TBC1D2: variants seen among roughly 807,000 people sequenced by gnomAD.
TBC1D2 encodes TBC1 domain family member 2.
A neutral mutation model predicts 91.1 loss-of-function variants in TBC1D2; 58 were observed. That is an observed-to-expected ratio of 0.64 (90% CI 0.52 to 0.79). The LOEUF is 0.79. Ranked by LOEUF, TBC1D2 falls within the 30% of genes least tolerant of loss-of-function variation. TBC1D2 has a pLI of 0.00. For synonymous variants in TBC1D2, 482 were observed against 511.5 expected, an observed-to-expected ratio of 0.94 and a Z score of 0.78; for missense variants, 1,080 against 1,208.3, an observed-to-expected ratio of 0.89 and a Z score of 1.57.
intron 3 of TBC1D2, among the ~76,000 whole-genome samples, chr9:98,239,778 C>T (rs1829592475): frequency 6.6e-6 from 1 of 152,022 alleles, no homozygotes; most frequent in South Asian, 2.1e-4. Context: ...GTGGACTTCA[C>T]CAGTGAAGTC....
In TBC1D2 at chr9:98,244,064, C is replaced by T. The variant is rs376178237; in HGVS notation, c.577G>A (p.Val193Met). Residue 193 changes from valine (V) to methionine (M), a missense_variant, in exon 3 of 13, where the codon GTG (valine) becomes ATG (methionine). By Grantham distance (21) the Val-to-Met change is conservative. Coordinates refer to ENST00000465784, the MANE Select transcript of TBC1D2 (RefSeq NM_001267571.2). ...GGGAAGGGCTGCAAGGCAGCTGCCA[C>T]GCCCACTAGCCCAGGGGGTGTTTTC... The part of the protein sequence containing the change: ...PVKTPPGLVG[V>M]AAALQPFPAL... The T allele has an allele frequency of 2.7e-5, 44 of 1,612,912 alleles. No individual in the cohort carries two copies. The highest frequency in any genetic ancestry group is 1.7e-4 in the Middle Eastern group (1 of 6,060).
rs181624686 is a variant in TBC1D2 at position 98,235,867 on chromosome 9, T to C, written c.648-2318A>G. On this transcript the variant is annotated intron_variant, in intron 3 of 12. Coordinates refer to ENST00000465784, the MANE Select transcript of TBC1D2 (RefSeq NM_001267571.2). Reference sequence around the variant, plus strand: ...GGCTAACACGGTGAAACCCTGTCTCTACCTAAAATACAAAAAAATTAGCCA... The same window carrying C: ...GGCTAACACGGTGAAACCCTGTCTCCACCTAAAATACAAAAAAATTAGCCA... 2.4e-3 allele frequency among the ~76,000 whole-genome samples: 366 copies of C among 152,156 alleles called. 1 individual carries two copies. Among genetic ancestry groups the C allele is most frequent in the Non-Finnish European group, 4.2e-3 (284 of 68,012 alleles).
At chr9:98,247,466 C>T (rs1057197634) in intron 2 of TBC1D2, among the ~76,000 whole-genome samples, 1 of 150,996 alleles carries the variant, frequency 6.6e-6, no homozygotes, top group Admixed American at 6.6e-5. Flanking sequence ...CGATGGCTCA[C>T]GCCTGTAATC....
At chr9:98,213,337 A>C in intron 6 of TBC1D2, 119 bp from the exon 7 acceptor site, 6 of 1,514,282 alleles carry the variant, frequency 4.0e-6, no homozygotes, top group Non-Finnish European at 5.3e-6. Context: ...CAATAATGGC[A>C]ACAGAAGAGG....
At chr9:98,225,421 TC>T (rs994242835) in intron 5 of TBC1D2, among the ~76,000 whole-genome samples, 1 of 152,174 alleles carries the variant, frequency 6.6e-6, no homozygotes, top group Non-Finnish European at 1.5e-5. Context: ...GGGAGTGCAT[TC>T]ATTTTTTCTC....
Position 98,200,377 on chromosome 9 carries a change from G to T in TBC1D2, c.2458-3C>A. 6.2e-7 allele frequency: 1 copy of T among 1,600,206 alleles called. No homozygotes were observed. On this transcript the variant is annotated splice_region_variant and splice_polypyrimidine_tract_variant and intron_variant, in intron 11 of 12. Transcript: ENST00000465784. ...GCCAAGGCATAGCGAAACACCACCT[G>T]GGGGTAGAGTGGGGGCTCAGGTAGG...
rs1420533514 is a variant in TBC1D2, at chr9:98,220,803, G to A, written c.1374+30C>T. The A allele has an allele frequency of 1.9e-6, 3 of 1,607,458 alleles. No homozygotes were observed. In the Admixed American group the frequency reaches 5.0e-5, roughly 27 times the overall value. On this transcript the variant is annotated intron_variant, in intron 6 of 12. Coordinates refer to ENST00000465784, the MANE Select transcript of TBC1D2 (RefSeq NM_001267571.2). ...GAGGGCTGGGACAGAGGACCGGCAG[G>A]ACTGGCAGGCCCTGAGGGGAGGCCC...
At chr9:98,215,225 G>C (rs78492097) in intron 6 of TBC1D2, among the ~76,000 whole-genome samples, 372 of 152,294 alleles carry the variant, frequency 2.4e-3, no homozygotes, top group African/African-American at 8.7e-3. Context: ...AGTCTCCCAT[G>C]AGCATCAGGC....
Position 98,244,019 on chromosome 9 carries a change from G to T in TBC1D2, c.622C>A (p.Leu208Ile). 1.9e-6 allele frequency: 3 copies of T among 1,609,466 alleles called. No homozygotes were observed. The highest frequency in any genetic ancestry group is 2.2e-5 in the East Asian group (1 of 44,802). Residue 208 changes from leucine to isoleucine, a missense_variant, in exon 3 of 13, where the codon CTC becomes ATC. Physicochemically the swap from Leu to Ile is conservative, Grantham distance 5 (BLOSUM62 2). Transcript: ENST00000465784. Reference protein sequence around the residue: ...QPFPALQNISLKHLGTEIQNT... With the variant: ...QPFPALQNISIKHLGTEIQNT... ...TGTATTTCAGTCCCCAGGTGCTTGA[G>T]GGAAATATTCTGAAGGGCAGGGAAG...
chr9:98,212,969 T>C, intron 7 of TBC1D2, 139 bp downstream of exon 7: 1 of 870,442 alleles, frequency 1.1e-6, no homozygotes, highest in Non-Finnish European at 1.8e-6. Context: ...AAGAACCTGA[T>C]ATGGGCCCTG....
intron 2 of TBC1D2, among the ~76,000 whole-genome samples, chr9:98,248,133 C>T (rs1384212072): frequency 6.6e-6 from 1 of 152,220 alleles, no homozygotes; most frequent in East Asian, 1.9e-4. Context: ...AAACACGTCC[C>T]TACTTTTGCT....
At chr9:98,203,514 T>A in intron 9 of TBC1D2, 106 bp from the exon 10 acceptor site, 1 of 1,493,500 alleles carries the variant, frequency 6.7e-7, no homozygotes, top group Non-Finnish European at 9.0e-7. Flanking sequence ...TCCTTCCATG[T>A]GAGCATCAGT....
At chr9:98,208,647 C>T (rs1258004110) in intron 9 of TBC1D2, 21 bp downstream of exon 9, 1 of 1,513,558 alleles carries the variant, frequency 6.6e-7, no homozygotes, top group Non-Finnish European at 8.8e-7. Flanking sequence ...ATCACACCTT[C>T]ACTGGGCTTT....
chr9:98,248,641 TTTGAGCC>T (rs1220147811), intron 2 of TBC1D2, among the ~76,000 whole-genome samples: 1 of 152,244 alleles, frequency 6.6e-6, no homozygotes, highest in East Asian at 1.9e-4. Context: ...TCTTGACCTC[TTTGAGCC>T]TTAGTTTCCT....
intron 2 of TBC1D2, among the ~76,000 whole-genome samples, chr9:98,250,668 A>G (rs1829853804): frequency 6.6e-6 from 1 of 152,186 alleles, no homozygotes; most frequent in African/African-American, 2.4e-5. Context: ...CAAAGCACCC[A>G]GGTACAGAGG....
chr9:98,224,571 C>A (rs1829185602), intron 5 of TBC1D2, among the ~76,000 whole-genome samples: 1 of 152,158 alleles, frequency 6.6e-6, no homozygotes, highest in Non-Finnish European at 1.5e-5. Context: ...GTGTGAGCCA[C>A]CATGCCCGGC....
At chr9:98,225,280 A>G (rs1041194303) in intron 5 of TBC1D2, among the ~76,000 whole-genome samples, 5 of 152,224 alleles carry the variant, frequency 3.3e-5, no homozygotes, top group Non-Finnish European at 5.9e-5. Context: ...TCCCCGGCCA[A>G]TCAGCCATCT....
Position 98,255,455 on chromosome 9 carries a change from A to T in TBC1D2, c.87T>A (p.Pro29=). Reference sequence around the variant, plus strand: ...CGCAGTCCCCCGATTCTTCCTCCGGAGGCGGCACCTGTGGATCCCTGGCAG... The same window carrying T: ...CGCAGTCCCCCGATTCTTCCTCCGGTGGCGGCACCTGTGGATCCCTGGCAG... ...EESARDPQVP[P]PEEESGDCAR... Residue 29 remains proline (P), a synonymous_variant, in exon 1 of 13, where the codon CCT becomes CCA. Coordinates refer to ENST00000465784, the MANE Select transcript of TBC1D2 (RefSeq NM_001267571.2). 1 of 1,598,942 alleles carries T rather than the reference A, an allele frequency of 6.3e-7. No individual in the cohort carries two copies. Among genetic ancestry groups the T allele is most frequent in the Non-Finnish European group, 8.5e-7 (1 of 1,170,768 alleles).
At chr9:98,223,309 C>T (rs887902557) in intron 5 of TBC1D2, among the ~76,000 whole-genome samples, 1 of 152,130 alleles carries the variant, frequency 6.6e-6, no homozygotes, top group African/African-American at 2.4e-5. Context: ...AAGCTACAGC[C>T]CCAGTAAAGA....
Sources: allele counts gnomAD v4.1 joint callset (sites outside exome capture counted in the v4.1 genomes callset), GRCh38; gene constraint gnomAD v4.1.1; transcripts MANE v1.5; gene names NCBI Gene and HGNC (gene_info 2026-07-23, HGNC 2026-07-21).